The following TTLL5 variants were observed in gnomAD, a reference collection of about 807,000 sequenced individuals.
The protein encoded by TTLL5 is tubulin polyglutamylase TTLL5.
TTLL5 carries 132 observed loss-of-function variants against 168.4 expected under a neutral mutation model. That is an observed-to-expected ratio of 0.78 (90% confidence interval 0.68 to 0.91). The LOEUF (loss-of-function observed/expected upper bound fraction) is 0.91. TTLL5 is among the 40% of genes least tolerant of loss of function. The pLI is 0.00. For missense variants in TTLL5, 1,545 were observed against 1,581.5 expected, an observed-to-expected ratio of 0.98 and a Z score of 0.39; for synonymous variants, 546 against 558.6, an observed-to-expected ratio of 0.98 and a Z score of 0.32.
intron 27 of TTLL5, among the ~76,000 whole-genome samples, chr14:75,800,219 G>A (rs755801763): frequency 1.1e-4 from 17 of 152,158 alleles, no homozygotes; most frequent in South Asian, 8.3e-4. Flanking sequence ...CCTTGTCTTC[G>A]AGCTCTGAAG....
intron 17 of TTLL5, among the ~76,000 whole-genome samples, chr14:75,747,664 T>TA (rs1331826960): frequency 6.6e-6 from 1 of 152,156 alleles, no homozygotes; most frequent in African/African-American, 2.4e-5. Flanking sequence ...GTTCCTCCAC[T>TA]AAAGAGTCTT....
Position 75,717,199 on chromosome 14 carries a change from C to T in TTLL5, c.741-662C>T, listed in dbSNP as rs114825455. 2.3e-3 allele frequency among the ~76,000 whole-genome samples: 343 copies of T among 152,214 alleles called. 1 individual carries two copies. The highest frequency in any genetic ancestry group is 8.0e-3 in the African/African-American group (334 of 41,530). On this transcript the variant is annotated intron_variant, in intron 9 of 31. Transcript: ENST00000298832. ...GTGCGATCACAGCTCACTGCAGCCT[C>T]TGTCTCCTGGGCTCAAGCAGTCTTC...
chr14:75,819,910 G>A (rs954338872), intron 27 of TTLL5, 97 bp from the exon 28 acceptor site: 2 of 1,342,784 alleles, frequency 1.5e-6, no homozygotes, highest in Admixed American at 2.3e-5. Flanking sequence ...AGAGGGGTCA[G>A]CATCTGTTGG....
chr14:75,778,394 A>G (rs564023338), intron 23 of TTLL5, among the ~76,000 whole-genome samples: 24 of 152,234 alleles, frequency 1.6e-4, no homozygotes, highest in Non-Finnish European at 3.2e-4. Flanking sequence ...ACAGATATAA[A>G]GCAGCTTGTA....
At chr14:75,717,196 C>T (rs1005029625) in intron 9 of TTLL5, among the ~76,000 whole-genome samples, 1 of 152,110 alleles carries the variant, frequency 6.6e-6, no homozygotes, top group Non-Finnish European at 1.5e-5. Context: ...CTCACTGCAG[C>T]CTCTGTCTCC....
chr14:75,783,204 G>A lies in TTLL5; in HGVS notation c.2660G>A (p.Gly887Asp). The A allele has an allele frequency of 6.2e-7, 1 of 1,613,918 alleles. No homozygotes were observed. Among genetic ancestry groups the A allele is most frequent in the Non-Finnish European group, 8.5e-7 (1 of 1,180,008 alleles). Residue 887 changes from glycine to aspartate, a missense_variant, in exon 26 of 32, where the codon GGT becomes GAT. Transcript: ENST00000298832. ...TTAGTTTATAGCAATTCCTCCTCTG[G>A]TCCTACTGCTACTCTGCAGAAAATT... Reference protein sequence around the residue: ...AKLVYSNSSSGPTATLQKIPN... With the variant: ...AKLVYSNSSSDPTATLQKIPN...
At chr14:75,762,070 A>T (rs982448674) in intron 18 of TTLL5, among the ~76,000 whole-genome samples, 1 of 152,156 alleles carries the variant, frequency 6.6e-6, no homozygotes. Flanking sequence ...TCACTGTACA[A>T]TTCTTTAAAC....
At position 75,745,127 on chromosome 14, in the gene TTLL5, A is replaced by G; in HGVS notation, c.1314A>G (p.Glu438=). The stretch of plus-strand genomic sequence containing the variant: ...GTCCACTCTCTGCCAGTGATGCGGA[A>G]ATGAAAAACCTCGTGGGCTCAGCCC... The part of the protein sequence containing the change: ...RCRPLSASDA[E]MKNLVGSARE... The change falls in exon 16 of 32, where the codon GAA becomes GAG. Residue 438 remains glutamate, a synonymous_variant. Transcript: ENST00000298832. 1 of 1,613,974 alleles carries G rather than the reference A, an allele frequency of 6.2e-7. No homozygotes were observed. The highest frequency in any genetic ancestry group is 1.1e-5 in the South Asian group (1 of 91,068).
intron 2 of TTLL5, among the ~76,000 whole-genome samples, chr14:75,667,071 T>C (rs1883314034): frequency 6.6e-6 from 1 of 152,086 alleles, no homozygotes. Flanking sequence ...TTAAGTGCTT[T>C]TTTTTTTTAG....
chr14:75,911,255 A>T (rs1028257), intron 31 of TTLL5, among the ~76,000 whole-genome samples: 1 of 151,974 alleles, frequency 6.6e-6, no homozygotes, highest in African/African-American at 2.4e-5. Flanking sequence ...CTGGCCTCGA[A>T]CTCCTGACCT....
chr14:75,875,251 A>G (rs1470339579), intron 29 of TTLL5, among the ~76,000 whole-genome samples: 1 of 149,016 alleles, frequency 6.7e-6, no homozygotes, highest in African/African-American at 2.5e-5. Context: ...TTAACTCAAA[A>G]ATCTATTGTG....
intron 26 of TTLL5, among the ~76,000 whole-genome samples, chr14:75,785,379 C>T (rs1892307268): frequency 6.6e-6 from 1 of 152,088 alleles, no homozygotes; most frequent in Non-Finnish European, 1.5e-5. Context: ...GGGGTTTCAC[C>T]ATGTTGGCCA....
intron 30 of TTLL5, among the ~76,000 whole-genome samples, chr14:75,885,230 C>T (rs1233863545): frequency 6.6e-6 from 1 of 151,498 alleles, no homozygotes; most frequent in Non-Finnish European, 1.5e-5. Flanking sequence ...GTGGCTCACG[C>T]CTGTAATCCC....
At chr14:75,858,993 G>A (rs1897278290) in intron 28 of TTLL5, among the ~76,000 whole-genome samples, 1 of 152,170 alleles carries the variant, frequency 6.6e-6, no homozygotes, top group Admixed American at 6.5e-5. Context: ...ACAATTGAAA[G>A]CACACTCACA....
rs1566825246 is a variant in TTLL5 at position 75,715,488 on chromosome 14, G to T, written c.741-2373G>T. Reference sequence around the variant, plus strand: ...ACAATAAAAAAGAAAATAGTGGTCAGATGATGATGATGGCTTATTTACTAT... The same window carrying T: ...ACAATAAAAAAGAAAATAGTGGTCATATGATGATGATGGCTTATTTACTAT... On this transcript the variant is annotated intron_variant, in intron 9 of 31. Transcript: ENST00000298832. Among the ~76,000 whole-genome samples, 3 of 152,102 alleles carry T rather than the reference G, an allele frequency of 2.0e-5. No homozygotes were observed. In the South Asian group the frequency reaches 6.2e-4, roughly 32 times the overall value.
chr14:75,770,887 A>G (rs1314195151), intron 20 of TTLL5, among the ~76,000 whole-genome samples: 9 of 152,162 alleles, frequency 5.9e-5, no homozygotes, highest in African/African-American at 1.9e-4. Context: ...CTTGTAGTTG[A>G]GAACAGTGTG....
In TTLL5 at chr14:75,915,143, A is replaced by G. The variant is rs574008337; in HGVS notation, c.3823+12919A>G. Among the ~76,000 whole-genome samples the G allele has an allele frequency of 2.0e-5, 3 of 152,146 alleles. No homozygotes were observed. In the East Asian group the frequency reaches 5.8e-4, roughly 29 times the overall value. The stretch of plus-strand genomic sequence containing the variant: ...ATCACCTAACTAACTGGAATTGTTT[A>G]TTGCACAGATCAGATTTCTCTTTTG... On this transcript the variant is annotated intron_variant, in intron 31 of 31. Coordinates refer to ENST00000298832, the MANE Select transcript of TTLL5 (RefSeq NM_015072.5).
At chr14:75,950,041 C>G (rs1254539815) in intron 31 of TTLL5, among the ~76,000 whole-genome samples, 1 of 151,972 alleles carries the variant, frequency 6.6e-6, no homozygotes, top group African/African-American at 2.4e-5. Context: ...CTTGTCTTAA[C>G]CAGATAACAA....
At chr14:75,940,566 T>C (rs1236603185) in intron 31 of TTLL5, among the ~76,000 whole-genome samples, 2 of 152,188 alleles carry the variant, frequency 1.3e-5, no homozygotes, top group Admixed American at 1.3e-4. Context: ...CCCAAGAACA[T>C]TGATTTTAGT....
Sources: allele counts gnomAD v4.1 joint callset (sites outside exome capture counted in the v4.1 genomes callset), GRCh38; gene constraint gnomAD v4.1.1; transcripts MANE v1.5; gene names NCBI Gene and HGNC (gene_info 2026-07-23, HGNC 2026-07-21).